Variants in MYH11 observed in about 807,000 individuals in gnomAD.
MYH11 encodes myosin heavy chain 11.
Under a neutral mutation model 246.6 loss-of-function variants are expected in MYH11, and 80 were observed. The ratio of observed to expected loss-of-function variants is 0.32; its 90% CI spans 0.27 to 0.39. The LOEUF is 0.39. Ranked by LOEUF, MYH11 falls within the 10% of genes least tolerant of loss-of-function variation. The pLI is 1.00. For synonymous variants in MYH11, 1,071 were observed against 1,015.5 expected, an observed-to-expected ratio of 1.05 and a Z score of -1.04; for missense variants, 2,158 against 2,546.8, an observed-to-expected ratio of 0.85 and a Z score of 3.29.
intron 23 of MYH11, among the ~76,000 whole-genome samples, chr16:15,739,001 A>G (rs963375204): frequency 4.0e-5 from 6 of 151,196 alleles, no homozygotes; most frequent in Admixed American, 6.6e-5. Context: ...ATGCTCTTCT[A>G]CTCCCCTCTA....
intron 1 of MYH11, among the ~76,000 whole-genome samples, chr16:15,848,532 C>T (rs1045245064): frequency 1.3e-5 from 2 of 152,174 alleles, no homozygotes; most frequent in East Asian, 3.8e-4. Flanking sequence ...CCGCAGCTGG[C>T]CACAAACTCT....
chr16:15,733,316 C>A (rs2041020887), intron 26 of MYH11, among the ~76,000 whole-genome samples: 2 of 152,204 alleles, frequency 1.3e-5, no homozygotes, highest in African/African-American at 4.8e-5. Flanking sequence ...CCCCTGCAAC[C>A]TCCACCTCCC....
At chr16:15,851,333 T>A (rs2044323497) in intron 1 of MYH11, among the ~76,000 whole-genome samples, 1 of 152,148 alleles carries the variant, frequency 6.6e-6, no homozygotes, top group Non-Finnish European at 1.5e-5. Context: ...CCCCTTGTAT[T>A]CATCAGGTAT....
Position 15,743,376 on chromosome 16 carries a change from C to T in MYH11, c.2521-1485G>A, listed in dbSNP as rs149018615. Among the ~76,000 whole-genome samples, 1,311 of 152,190 alleles carry T rather than the reference C, an allele frequency of 8.6e-3. 22 individuals are homozygous for T. The highest frequency in any genetic ancestry group is 0.031 in the African/African-American group (1,274 of 41,512). On this transcript the variant is annotated intron_variant, in intron 20 of 40. Transcript: ENST00000300036. Reference sequence around the variant, plus strand: ...TAGAGATAGGGTTTCGCCATGTTGGCCAGGCTGGTTTCGAACTCGTGAACC... The same window carrying T: ...TAGAGATAGGGTTTCGCCATGTTGGTCAGGCTGGTTTCGAACTCGTGAACC...
intron 2 of MYH11, among the ~76,000 whole-genome samples, chr16:15,835,197 T>C (rs1268845307): frequency 1.3e-5 from 2 of 152,064 alleles, no homozygotes; most frequent in Non-Finnish European, 2.9e-5. Flanking sequence ...AAATGGCCTA[T>C]CCCCATGACA....
rs759314086 is a variant in MYH11 at position 15,740,015 on chromosome 16, T to G, written c.2997+36A>C. 1.2e-5 allele frequency: 19 copies of G among 1,611,376 alleles called. No individual in the cohort carries two copies. The East Asian group carries it at 4.0e-4, about 34-fold the overall frequency. ...CCTTGGCCTCCCAAAGTGCTCGGAT[T>G]ATAGGCGTGAGCCACTGCACCCGGC... On this transcript the variant is annotated intron_variant, in intron 23 of 40. Coordinates refer to ENST00000300036, the MANE Select transcript of MYH11 (RefSeq NM_002474.3).
Position 15,717,189 on chromosome 16 carries a change from G to A in MYH11, c.5455C>T (p.Leu1819=), listed in dbSNP as rs1460104019. The A allele has an allele frequency of 1.9e-6, 3 of 1,614,070 alleles. No homozygotes were observed. The highest frequency in any genetic ancestry group is 1.3e-5 in the African/African-American group (1 of 74,924). ...TCCAGCTGTGCAATCTTGGCCTCCA[G>A]CGCCGCGATGGTGGACTTGAACTTG... The part of the protein sequence containing the change: ...KSKFKSTIAA[L]EAKIAQLEEQ... The change falls in exon 38 of 41, where the codon CTG becomes TTG. Residue 1819 remains leucine (L), a synonymous_variant. Transcript: ENST00000300036.
rs1567668342 is a variant in MYH11 at position 15,703,936 on chromosome 16, TTG to T, written c.*53_*54del. ...TGGGTTGTTGTTGGGTTTTTTTTGT[TTG>T]TTTGTTTTGGTTTTTGGTTTTCTTG... On this transcript the variant is annotated 3_prime_UTR_variant, in exon 41 of 41. Transcript: ENST00000300036. 6.2e-7 allele frequency: 1 copy of T among 1,612,674 alleles called. No individual in the cohort carries two copies. The highest frequency in any genetic ancestry group is 8.5e-7 in the Non-Finnish European group (1 of 1,179,170).
chr16:15,763,742 C>CGCGG, intron 10 of MYH11, 54 bp downstream of exon 10: 1 of 627,780 alleles, frequency 1.6e-6, no homozygotes, highest in Non-Finnish European at 3.0e-6. Flanking sequence ...AATGTCACCT[C>CGCGG]CCCCACCCCC....
At chr16:15,722,494 C>A (rs2040538558) in intron 31 of MYH11, among the ~76,000 whole-genome samples, 1 of 152,186 alleles carries the variant, frequency 6.6e-6, no homozygotes, top group East Asian at 1.9e-4. Flanking sequence ...CTAAATGGCA[C>A]AGTCAACACA....
Position 15,726,647 on chromosome 16 carries a change from C to T in MYH11, c.3858+201G>A, listed in dbSNP as rs1210860849. On this transcript the variant is annotated intron_variant, in intron 28 of 40. Transcript: ENST00000300036. ...TCTCCCAAAGTGCTGGGATTACAGG[C>T]ATGAGCCACCGTGCCTGGCCAGAAG... 17 of 663,140 alleles carry T rather than the reference C, an allele frequency of 2.6e-5. No homozygotes were observed. In the East Asian group the frequency reaches 3.8e-4, roughly 15 times the overall value. The allele number at this position is 663,140 out of a possible 1,614,324, so 41.1% of individuals were successfully genotyped here.
At chr16:15,805,371 C>T (rs2042985161) in intron 3 of MYH11, among the ~76,000 whole-genome samples, 1 of 152,172 alleles carries the variant, frequency 6.6e-6, no homozygotes. Flanking sequence ...CATTGTGATC[C>T]TTACTTAATA....
chr16:15,763,741 T>TCCGGGCCCCC, intron 10 of MYH11, 55 bp downstream of exon 10: 1 of 646,854 alleles, frequency 1.5e-6, no homozygotes. Flanking sequence ...AAATGTCACC[T>TCCGGGCCCCC]CCCCCACCCC....
intron 1 of MYH11, among the ~76,000 whole-genome samples, chr16:15,853,902 T>A (rs2044393028): frequency 6.6e-6 from 1 of 152,010 alleles, no homozygotes; most frequent in Admixed American, 6.6e-5. Flanking sequence ...TGGGCGCCTA[T>A]AAACCCAGCT....
chr16:15,781,331 C>T (rs562346864), intron 6 of MYH11, among the ~76,000 whole-genome samples: 4 of 152,284 alleles, frequency 2.6e-5, no homozygotes, highest in African/African-American at 4.8e-5. Flanking sequence ...ATTCTAATTT[C>T]GGGCGAGGAA....
chr16:15,843,781 G>A (rs994625429), intron 1 of MYH11, among the ~76,000 whole-genome samples: 3 of 152,064 alleles, frequency 2.0e-5, no homozygotes, highest in African/African-American at 4.8e-5. Flanking sequence ...AAAACCATTA[G>A]GCCAATGGGG....
intron 3 of MYH11, among the ~76,000 whole-genome samples, chr16:15,799,942 A>C (rs531887327): frequency 7.9e-5 from 12 of 151,730 alleles, no homozygotes; most frequent in African/African-American, 2.9e-4. Context: ...ATGGATGGGA[A>C]GATGAGTGGA....
At chr16:15,729,527 G>A (rs1368316193) in intron 27 of MYH11, among the ~76,000 whole-genome samples, 1 of 149,858 alleles carries the variant, frequency 6.7e-6, no homozygotes, top group Admixed American at 6.7e-5. Flanking sequence ...GATTCTGTCT[G>A]GGGCCTCACT....
At chr16:15,852,672 A>G (rs1017906357) in intron 1 of MYH11, among the ~76,000 whole-genome samples, 15 of 152,084 alleles carry the variant, frequency 9.9e-5, no homozygotes, top group Non-Finnish European at 2.1e-4. Flanking sequence ...TGCAATATCT[A>G]TTAATTTTAG....
Sources: gnomAD v4.1 joint callset for allele counts (sites outside exome capture counted in the v4.1 genomes callset) on GRCh38, gnomAD v4.1.1 for gene constraint, MANE v1.5 for transcripts, NCBI Gene and HGNC (gene_info 2026-07-23, HGNC 2026-07-21) for gene names.